SAXO1: variants seen among roughly 807,000 people sequenced by gnomAD.
The protein encoded by SAXO1 is stabilizer of axonemal microtubules 1.
In SAXO1, 21 loss-of-function variants were observed where a neutral mutation model predicts 17.5. The observed-to-expected ratio is 1.20, with a 90% CI of 0.85 to 1.72. The LOEUF is 1.72. SAXO1 is among the 40% of genes most tolerant of loss of function. The pLI is 0.00. For synonymous variants in SAXO1, 274 were observed against 216.5 expected, an observed-to-expected ratio of 1.27 and a Z score of -2.33; for missense variants, 843 against 596.0, an observed-to-expected ratio of 1.41 and a Z score of -4.32.
chr9:18,941,514 T>G (rs1394510496), intron 3 of SAXO1, 123 bp downstream of exon 3: 2 of 1,079,580 alleles, frequency 1.9e-6, no homozygotes, highest in African/African-American at 1.6e-5. Context: ...TGGCCAGATC[T>G]GGCCCGTAGG....
At chr9:19,040,725 G>A (rs1240070094) in intron 1 of SAXO1, among the ~76,000 whole-genome samples, 1 of 152,088 alleles carries the variant, frequency 6.6e-6, no homozygotes, top group Non-Finnish European at 1.5e-5. Context: ...CTTATATGAA[G>A]TTTCTCAAGA....
intron 1 of SAXO1, among the ~76,000 whole-genome samples, chr9:18,977,622 T>C (rs1217892501): frequency 6.6e-6 from 1 of 152,178 alleles, no homozygotes; most frequent in Non-Finnish European, 1.5e-5. Flanking sequence ...TAACTTGGGT[T>C]CCTTGAACTT....
intron 1 of SAXO1, among the ~76,000 whole-genome samples, chr9:19,023,903 C>A (rs1050660059): frequency 4.6e-5 from 7 of 151,308 alleles, no homozygotes; most frequent in African/African-American, 1.7e-4. Flanking sequence ...CTTTGGGAGT[C>A]CGAGGTGGGA....
chr9:19,028,223 A>C, intron 1 of SAXO1: 2 of 959,500 alleles, frequency 2.1e-6, no homozygotes, highest in Non-Finnish European at 1.6e-6. Context: ...AAAAAATACA[A>C]AAATTAGCCG....
chr9:18,941,809 T>G lies in SAXO1; in HGVS notation c.249A>C (p.Pro83=). The G allele has an allele frequency of 1.2e-6, 2 of 1,614,220 alleles. No homozygotes were observed. Among genetic ancestry groups the G allele is most frequent in the Non-Finnish European group, 1.7e-6 (2 of 1,180,036 alleles). The change falls in exon 3 of 4, where the codon CCA becomes CCC. Residue 83 remains proline (P), a synonymous_variant. Coordinates refer to ENST00000380534, the MANE Select transcript of SAXO1 (RefSeq NM_153707.4). ...ACTGGTCATACTGGTGGACCTTCAC[T>G]GGTGCCACTTTGTGAGGCCCAAAAT... ...RRDFGPHKVA[P]VKVHQYDQFV... is the part of the protein sequence containing the mutation.
At chr9:18,935,827 C>G (rs1364132832) in intron 3 of SAXO1, among the ~76,000 whole-genome samples, 1 of 152,158 alleles carries the variant, frequency 6.6e-6, no homozygotes, top group Non-Finnish European at 1.5e-5. Flanking sequence ...TGGGGATGCA[C>G]TCTATTCCCA....
intron 1 of SAXO1, among the ~76,000 whole-genome samples, chr9:18,959,954 T>C (rs149210499): frequency 5.3e-5 from 8 of 152,168 alleles, no homozygotes; most frequent in Non-Finnish European, 8.8e-5. Context: ...GGACAGGTGA[T>C]AGCAGATGCT....
At chr9:18,989,348 A>T (rs1462962142) in intron 1 of SAXO1, among the ~76,000 whole-genome samples, 2 of 152,196 alleles carry the variant, frequency 1.3e-5, no homozygotes, top group Non-Finnish European at 2.9e-5. Context: ...TGTTTTATAT[A>T]GATATTAATA....
chr9:18,953,145 G>A (rs1055493711), intron 1 of SAXO1, among the ~76,000 whole-genome samples: 14 of 152,140 alleles, frequency 9.2e-5, no homozygotes, highest in Admixed American at 4.6e-4. Context: ...AAATACCTCT[G>A]CATGTATATT....
At chr9:18,992,707 G>A (rs1833859252) in intron 1 of SAXO1, among the ~76,000 whole-genome samples, 1 of 152,150 alleles carries the variant, frequency 6.6e-6, no homozygotes, top group African/African-American at 2.4e-5. Flanking sequence ...TGGCACATTG[G>A]AAGAAGAAAG....
intron 1 of SAXO1, among the ~76,000 whole-genome samples, chr9:18,956,181 G>A (rs1468486371): frequency 2.7e-5 from 4 of 150,084 alleles, no homozygotes; most frequent in East Asian, 2.0e-4. Flanking sequence ...AAACTCCTGG[G>A]CTCAAGCTAT....
At chr9:18,983,657 C>T (rs761732142) in intron 1 of SAXO1, among the ~76,000 whole-genome samples, 3 of 152,202 alleles carry the variant, frequency 2.0e-5, no homozygotes, top group Non-Finnish European at 4.4e-5. Context: ...ACTTCTAATT[C>T]TAGTTCTCTT....
intron 1 of SAXO1, among the ~76,000 whole-genome samples, chr9:19,043,709 G>A (rs926842949): frequency 1.5e-4 from 23 of 151,974 alleles, no homozygotes; most frequent in Admixed American, 4.6e-4. Context: ...TGGAAGCTGC[G>A]GTGAGCAGTG....
chr9:19,015,662 A>T (rs1286145801), intron 1 of SAXO1, among the ~76,000 whole-genome samples: 8 of 146,694 alleles, frequency 5.5e-5, no homozygotes, highest in African/African-American at 2.0e-4. Context: ...TTTTTTTTTA[A>T]GAGACTGAGT....
chr9:18,993,213 A>C (rs1254291888), intron 1 of SAXO1, among the ~76,000 whole-genome samples: 2 of 151,850 alleles, frequency 1.3e-5, no homozygotes, highest in African/African-American at 2.4e-5. Context: ...TCAACACGTC[A>C]TCTAGGTTTT....
chr9:19,033,899 C>A (rs143709024), upstream of SAXO1, among the ~76,000 whole-genome samples: 546 of 152,268 alleles, frequency 3.6e-3, 4 homozygotes, highest in Non-Finnish European at 3.5e-3. Flanking sequence ...ACGGACCACA[C>A]TTTAAGAACT....
Position 18,960,777 on chromosome 9 carries a change from T to C in SAXO1, c.39-9840A>G, listed in dbSNP as rs183932397. On this transcript the variant is annotated intron_variant, in intron 1 of 3. Coordinates refer to ENST00000380534, the MANE Select transcript of SAXO1 (RefSeq NM_153707.4). The stretch of plus-strand genomic sequence containing the variant: ...GCCAGGACAACAGAGCAAGACCCTG[T>C]CTCAAAAGAAAAAAAAATTGCTGAA... Among the ~76,000 whole-genome samples the C allele has an allele frequency of 3.3e-4, 46 of 139,254 alleles. No individual in the cohort carries two copies. In the East Asian group the frequency reaches 7.4e-3, roughly 22 times the overall value. 91.4% of individuals were successfully genotyped at this position (139,254 alleles called of 152,430 possible). A position where few individuals can be genotyped will look rare whatever the true frequency, so the allele number is the denominator to read the frequency against.
chr9:18,975,577 G>C lies in SAXO1; in HGVS notation c.39-24640C>G, dbSNP rs115582648. Among the ~76,000 whole-genome samples the C allele has an allele frequency of 4.8e-3, 737 of 152,330 alleles. 2 individuals carry two copies. The highest frequency in any genetic ancestry group is 0.017 in the African/African-American group (695 of 41,580). ...CACTTGTGTAACAAAGCTAGACCCT[G>C]ATATCAGTGTCAATTGATCAAAGGA... is the stretch of plus-strand genomic sequence containing the variant. On this transcript the variant is annotated intron_variant, in intron 1 of 3. Coordinates refer to ENST00000380534, the MANE Select transcript of SAXO1 (RefSeq NM_153707.4).
At chr9:19,019,039 G>T (rs1405151966) in intron 1 of SAXO1, among the ~76,000 whole-genome samples, 1 of 151,962 alleles carries the variant, frequency 6.6e-6, no homozygotes, top group South Asian at 2.1e-4. Context: ...AATTTGGAAG[G>T]TGGAGGTTGC....
Sources: allele counts gnomAD v4.1 joint callset (sites outside exome capture counted in the v4.1 genomes callset), GRCh38; gene constraint gnomAD v4.1.1; transcripts MANE v1.5; gene names NCBI Gene and HGNC (gene_info 2026-07-23, HGNC 2026-07-21).